DNAH6: variants seen among roughly 807,000 people sequenced by gnomAD.
DNAH6 encodes dynein axonemal heavy chain 6.
A neutral mutation model predicts 491.4 loss-of-function variants in DNAH6; 340 were observed. That is an observed-to-expected ratio of 0.69 (90% CI 0.63 to 0.76). The LOEUF (loss-of-function observed/expected upper bound fraction) is 0.76. Among genes scored for constraint, DNAH6 ranks in the 30% least tolerant of loss-of-function variants. The pLI, the probability that DNAH6 is intolerant of heterozygous loss-of-function variation, is 0.00. For missense variants in DNAH6, 4,443 were observed against 4,972.2 expected, an observed-to-expected ratio of 0.89 and a Z score of 3.20; for synonymous variants, 1,603 against 1,686.1, an observed-to-expected ratio of 0.95 and a Z score of 1.21.
chr2:84,691,837 A>C (rs1164794098), intron 45 of DNAH6, among the ~76,000 whole-genome samples: 3 of 152,256 alleles, frequency 2.0e-5, no homozygotes, highest in Non-Finnish European at 4.4e-5. Flanking sequence ...ATGGGTCATT[A>C]AAAAACCACA....
chr2:84,539,313 CACATGCACACACAAACAT>C (rs1325846384), intron 4 of DNAH6, among the ~76,000 whole-genome samples: 1 of 152,090 alleles, frequency 6.6e-6, no homozygotes, highest in Non-Finnish European at 1.5e-5. Flanking sequence ...TTCCTTCAAA[CACATGCACACACAAACAT>C]ACATGCACAC....
chr2:84,811,748 C>A (rs777224363), intron 72 of DNAH6, among the ~76,000 whole-genome samples: 43 of 151,882 alleles, frequency 2.8e-4, no homozygotes, highest in Non-Finnish European at 6.0e-4. Flanking sequence ...GTAATCCCAA[C>A]TACTTGGCAG....
At chr2:84,623,907 A>G (rs2104414650) in intron 26 of DNAH6, among the ~76,000 whole-genome samples, 1 of 152,326 alleles carries the variant, frequency 6.6e-6, no homozygotes, top group African/African-American at 2.4e-5. Context: ...ATTTTTAGGG[A>G]GGACACTCTC....
At chr2:84,688,649 G>A (rs1181467406) in intron 45 of DNAH6, 56 bp downstream of exon 45, 2 of 1,409,018 alleles carry the variant, frequency 1.4e-6, no homozygotes, top group Non-Finnish European at 1.9e-6. Flanking sequence ...TTGTATTAAA[G>A]GGTAAAAAAA....
chr2:84,488,313 A>C, the DNAH6 span, among the ~76,000 whole-genome samples: 61 of 152,272 alleles, frequency 4.0e-4, no homozygotes, highest in African/African-American at 1.3e-3. Context: ...CCAGCATGGC[A>C]CATGTATACA....
At chr2:84,496,911 C>A in the DNAH6 span, among the ~76,000 whole-genome samples, 4 of 151,868 alleles carry the variant, frequency 2.6e-5, 1 homozygote, top group South Asian at 8.3e-4. Flanking sequence ...TTCCCTATCA[C>A]TGTAAATTAG....
intron 39 of DNAH6, among the ~76,000 whole-genome samples, chr2:84,671,133 G>T (rs1175251839): frequency 6.6e-6 from 1 of 152,160 alleles, no homozygotes; most frequent in Non-Finnish European, 1.5e-5. Flanking sequence ...GGGAGGAGAA[G>T]AAGGAAAGGA....
At chr2:84,776,030 G>A (rs1332538153) in intron 64 of DNAH6, among the ~76,000 whole-genome samples, 4 of 152,102 alleles carry the variant, frequency 2.6e-5, no homozygotes, top group African/African-American at 9.7e-5. Flanking sequence ...TATGACACTT[G>A]GATAGTTGGT....
intron 63 of DNAH6, among the ~76,000 whole-genome samples, chr2:84,757,726 T>G (rs1674182728): frequency 6.6e-6 from 1 of 152,226 alleles, no homozygotes; most frequent in East Asian, 1.9e-4. Flanking sequence ...GAAGAACCAT[T>G]TAGCAATGAT....
At chr2:84,747,451 C>T (rs1324626414) in intron 63 of DNAH6, among the ~76,000 whole-genome samples, 1 of 152,212 alleles carries the variant, frequency 6.6e-6, no homozygotes, top group Non-Finnish European at 1.5e-5. Context: ...CAGAATAATC[C>T]TTGACACCAT....
chr2:84,800,884 G>A (rs913399396), intron 70 of DNAH6, among the ~76,000 whole-genome samples: 26 of 151,672 alleles, frequency 1.7e-4, no homozygotes, highest in Admixed American at 1.6e-3. Flanking sequence ...AAGAAAATGT[G>A]GCACATATTC....
intron 3 of DNAH6, 28 bp downstream of exon 3, chr2:84,525,766 C>A: frequency 6.7e-7 from 1 of 1,483,496 alleles, no homozygotes; most frequent in South Asian, 1.3e-5. Flanking sequence ...TTAATTGATT[C>A]TTTTAACTTA....
At chr2:84,492,568 T>C in the DNAH6 span, among the ~76,000 whole-genome samples, 2 of 152,222 alleles carry the variant, frequency 1.3e-5, no homozygotes, top group Admixed American at 6.5e-5. Flanking sequence ...TTTGTTTCTT[T>C]TCCCATTCTT....
rs766963507 is a variant in DNAH6 at position 84,685,438 on chromosome 2, G to A, written c.7029G>A (p.Lys2343=). ...ATCGCTTGATTAATAATGAAGATAA[G>A]CACTATTTCCATGTTATTCTGACAG... is the stretch of plus-strand genomic sequence containing the variant. ...FHDRLINNED[K]HYFHVILTEM... is the part of the protein sequence containing the mutation. Residue 2343 remains lysine, a synonymous_variant, in exon 43 of 77, where the codon AAG becomes AAA. Coordinates refer to ENST00000389394, the MANE Select transcript of DNAH6 (RefSeq NM_001370.2). 2.6e-5 allele frequency: 39 copies of A among 1,504,118 alleles called. No homozygotes were observed. Among genetic ancestry groups the A allele is most frequent in the Non-Finnish European group, 1.8e-6 (2 of 1,119,514 alleles). 93.2% of individuals were successfully genotyped at this position (1,504,118 alleles called of 1,614,324 possible).
At chr2:84,659,264 T>C (rs967804258) in intron 37 of DNAH6, 95 bp downstream of exon 37, 1 of 678,682 alleles carries the variant, frequency 1.5e-6, no homozygotes, top group Non-Finnish European at 2.2e-6. Context: ...ATTGAAAATA[T>C]AACTTATACA....
At chr2:84,611,038 G>A (rs1445144703) in intron 21 of DNAH6, among the ~76,000 whole-genome samples, 2 of 152,162 alleles carry the variant, frequency 1.3e-5, no homozygotes, top group African/African-American at 4.8e-5. Flanking sequence ...ACTCTTTCAT[G>A]GATTTTGGGC....
At chr2:84,641,916 G>T in intron 32 of DNAH6, 31 bp from the exon 33 acceptor site, 1 of 1,508,696 alleles carries the variant, frequency 6.6e-7, no homozygotes. Context: ...ATGTTCTTGT[G>T]ATATTATCCG....
chr2:84,746,557 G>A (rs994611958), intron 63 of DNAH6, among the ~76,000 whole-genome samples: 2 of 152,164 alleles, frequency 1.3e-5, no homozygotes, highest in African/African-American at 2.4e-5. Flanking sequence ...CTAAGGATTT[G>A]ATTGGTGAGT....
intron 63 of DNAH6, among the ~76,000 whole-genome samples, chr2:84,749,047 TC>T (rs1673219401): frequency 6.6e-6 from 1 of 152,142 alleles, no homozygotes; most frequent in Non-Finnish European, 1.5e-5. Context: ...GAGAACTCAC[TC>T]ATTTCTGTGG....
Sources: allele counts gnomAD v4.1 joint callset (sites outside exome capture counted in the v4.1 genomes callset), GRCh38; gene constraint gnomAD v4.1.1; transcripts MANE v1.5; gene names NCBI Gene and HGNC (gene_info 2026-07-23, HGNC 2026-07-21).